The following PRKN variants were observed in gnomAD, a reference collection of about 807,000 sequenced individuals.
PRKN encodes parkin RBR E3 ubiquitin protein ligase, also known as E3 ubiquitin-protein ligase parkin.
A neutral mutation model predicts 59.5 loss-of-function variants in PRKN; 56 were observed. The ratio of observed to expected loss-of-function variants is 0.94; its 90% confidence interval spans 0.76 to 1.18. The LOEUF is 1.18. Among genes scored for constraint, PRKN ranks in the 50% most tolerant of loss-of-function variants. The pLI is 0.00. For missense variants in PRKN, 657 were observed against 596.4 expected, an observed-to-expected ratio of 1.10 and a Z score of -1.06; for synonymous variants, 250 against 222.1, an observed-to-expected ratio of 1.13 and a Z score of -1.12.
intron 7 of PRKN, among the ~76,000 whole-genome samples, chr6:161,742,064 G>A (rs1404952464): frequency 6.6e-6 from 1 of 152,096 alleles, no homozygotes; most frequent in Non-Finnish European, 1.5e-5. Flanking sequence ...CCGCCTCCGA[G>A]GCTCAAGTGA....
In PRKN at chr6:161,653,877, G is replaced by A. The variant is rs545312193; in HGVS notation, c.872-84461C>T. Among the ~76,000 whole-genome samples, 15 of 152,204 alleles carry A rather than the reference G, an allele frequency of 9.9e-5. No individual in the cohort carries two copies. In the East Asian group the frequency reaches 1.4e-3, roughly 14 times the overall value. On this transcript the variant is annotated intron_variant, in intron 7 of 11. Coordinates refer to ENST00000366898, the MANE Select transcript of PRKN (RefSeq NM_004562.3). Reference sequence around the variant, plus strand: ...GGAAAATTCTGCTTGTAAACTGGCCGGCCAGCCTTCAGGGAAACATGTCAC... The same window carrying A: ...GGAAAATTCTGCTTGTAAACTGGCCAGCCAGCCTTCAGGGAAACATGTCAC...
chr6:162,714,554 C>T (rs993194661), intron 1 of PRKN, among the ~76,000 whole-genome samples: 1 of 152,200 alleles, frequency 6.6e-6, no homozygotes, highest in African/African-American at 2.4e-5. Flanking sequence ...ATGTTTCCTC[C>T]ATCAATCACG....
intron 1 of PRKN, among the ~76,000 whole-genome samples, chr6:162,491,044 G>A (rs1356803458): frequency 6.6e-6 from 1 of 151,780 alleles, no homozygotes; most frequent in Non-Finnish European, 1.5e-5. Flanking sequence ...CGGGGGTTGT[G>A]GTGATCTCAG....
intron 1 of PRKN, among the ~76,000 whole-genome samples, chr6:162,493,111 T>C (rs1792895007): frequency 6.6e-6 from 1 of 152,172 alleles, no homozygotes; most frequent in Non-Finnish European, 1.5e-5. Flanking sequence ...AGCCTATCTC[T>C]TACTTCCCTT....
At chr6:161,441,211 T>C (rs1418876787) in intron 9 of PRKN, among the ~76,000 whole-genome samples, 2 of 152,200 alleles carry the variant, frequency 1.3e-5, no homozygotes, top group African/African-American at 4.8e-5. Context: ...AGCTCAGCTC[T>C]GCGGAGAAGC....
intron 1 of PRKN, among the ~76,000 whole-genome samples, chr6:162,540,588 C>A (rs1778890579): frequency 6.6e-6 from 1 of 152,032 alleles, no homozygotes; most frequent in African/African-American, 2.4e-5. Flanking sequence ...CAGGTGATCA[C>A]CTGAGGTCAG....
intron 6 of PRKN, among the ~76,000 whole-genome samples, chr6:161,941,353 A>G (rs1442193151): frequency 6.6e-6 from 1 of 152,206 alleles, no homozygotes; most frequent in Non-Finnish European, 1.5e-5. Context: ...CATGTTGGCC[A>G]CTGACTGGCA....
intron 4 of PRKN, among the ~76,000 whole-genome samples, chr6:162,121,864 C>T (rs1233787807): frequency 6.6e-6 from 1 of 152,038 alleles, no homozygotes; most frequent in Non-Finnish European, 1.5e-5. Context: ...ATGAGCAGTA[C>T]AATATACTGT....
At chr6:162,049,753 T>C (rs1777554610) in intron 5 of PRKN, among the ~76,000 whole-genome samples, 3 of 152,200 alleles carry the variant, frequency 2.0e-5, no homozygotes, top group South Asian at 4.1e-4. Flanking sequence ...TTTAGAGTTA[T>C]ATTTTTGCTA....
intron 6 of PRKN, among the ~76,000 whole-genome samples, chr6:161,957,377 A>G (rs1342934129): frequency 2.0e-5 from 3 of 150,556 alleles, no homozygotes; most frequent in Non-Finnish European, 3.0e-5. Context: ...ATGCAAATCC[A>G]TGTCTGTTTT....
At chr6:162,609,619 A>G (rs1027911423) in intron 1 of PRKN, among the ~76,000 whole-genome samples, 1 of 152,186 alleles carries the variant, frequency 6.6e-6, no homozygotes, top group Non-Finnish European at 1.5e-5. Context: ...CAAAATCAAC[A>G]TTTTAGCCAA....
chr6:162,665,455 A>AC (rs1468785103), intron 1 of PRKN, among the ~76,000 whole-genome samples: 11 of 152,184 alleles, frequency 7.2e-5, no homozygotes, highest in African/African-American at 2.6e-4. Context: ...AGAATAAAAT[A>AC]CCTAGGAACA....
chr6:162,700,068 T>C (rs1159595843), intron 1 of PRKN, among the ~76,000 whole-genome samples: 2 of 152,150 alleles, frequency 1.3e-5, no homozygotes, highest in East Asian at 3.9e-4. Context: ...ATTAAAATCA[T>C]TTAGTACACC....
intron 2 of PRKN, among the ~76,000 whole-genome samples, chr6:162,431,350 G>A (rs550305214): frequency 1.3e-5 from 2 of 152,218 alleles, no homozygotes; most frequent in African/African-American, 2.4e-5. Flanking sequence ...AATGTGATAC[G>A]CGAACTGTTG....
At position 161,373,113 on chromosome 6, in the gene PRKN, C is replaced by A. The variant is rs1785507309; in HGVS notation, c.1168-12908G>T. Among the ~76,000 whole-genome samples the A allele has an allele frequency of 1.3e-5, 2 of 152,188 alleles. No homozygotes were observed. The highest frequency in any genetic ancestry group is 2.9e-5 in the Non-Finnish European group (2 of 68,046). ...GTGTGAACCACCACACTCGGTAGGG[C>A]AGAATTTTTCTCTTCTCTGGGAAAC... On this transcript the variant is annotated intron_variant, in intron 10 of 11. Transcript: ENST00000366898. The surrounding 1 kb of genome is among the most constrained non-coding windows in gnomAD (Gnocchi z 4.8).
chr6:162,212,687 T>C (rs984830988), intron 3 of PRKN, among the ~76,000 whole-genome samples: 6 of 152,162 alleles, frequency 3.9e-5, no homozygotes, highest in Admixed American at 6.5e-5. Flanking sequence ...AATGTGTCCT[T>C]AGACGATTGT....
intron 4 of PRKN, among the ~76,000 whole-genome samples, chr6:162,161,157 G>A (rs1355569893): frequency 6.6e-6 from 1 of 152,152 alleles, no homozygotes; most frequent in Non-Finnish European, 1.5e-5. Context: ...CACATCTATA[G>A]CAAAGCTCAC....
chr6:162,514,749 G>A (rs1478704206), intron 1 of PRKN, among the ~76,000 whole-genome samples: 2 of 152,102 alleles, frequency 1.3e-5, no homozygotes, highest in Non-Finnish European at 2.9e-5. Flanking sequence ...GGGCAGCAGA[G>A]TGAGACCCAT....
At chr6:161,479,534 G>C (rs533580686) in intron 9 of PRKN, among the ~76,000 whole-genome samples, 1 of 152,282 alleles carries the variant, frequency 6.6e-6, no homozygotes, top group Admixed American at 6.5e-5. Context: ...CAGCAATGCT[G>C]GTTTCAGTGT....
Sources: allele counts gnomAD v4.1 joint callset (sites outside exome capture counted in the v4.1 genomes callset), GRCh38; gene constraint gnomAD v4.1.1; non-coding constraint Gnocchi (gnomAD v3.1); transcripts MANE v1.5; gene names NCBI Gene and HGNC (gene_info 2026-07-23, HGNC 2026-07-21).